The following KCNB2 variants were observed in gnomAD, a reference collection of about 807,000 sequenced individuals.
KCNB2 encodes delayed rectifier potassium channel protein.
KCNB2 carries 15 observed loss-of-function variants against 61.5 expected under a neutral mutation model. That is an observed-to-expected ratio of 0.24 (90% confidence interval 0.16 to 0.38). KCNB2 has a LOEUF of 0.38. Among genes scored for constraint, KCNB2 ranks in the 10% least tolerant of loss-of-function variants. The pLI is 1.00. For missense variants in KCNB2, 828 were observed against 1,125.2 expected (o/e 0.74, Z 3.78); for synonymous variants, 457 against 446.0 (o/e 1.02, Z -0.31).
intron 2 of KCNB2, among the ~76,000 whole-genome samples, chr8:72,642,143 A>G (rs1308444306): frequency 1.3e-5 from 2 of 152,120 alleles, no homozygotes; most frequent in Admixed American, 6.6e-5. Flanking sequence ...TCAGCACTCA[A>G]AATGTGGCCA....
At chr8:72,572,561 G>T (rs1489116829) in intron 2 of KCNB2, among the ~76,000 whole-genome samples, 4 of 147,832 alleles carry the variant, frequency 2.7e-5, no homozygotes, top group Admixed American at 1.4e-4. Flanking sequence ...TCTCTCTCAG[G>T]CTCTCTCTGC....
chr8:72,668,148 G>A lies in KCNB2; in HGVS notation c.579+99835G>A, dbSNP rs1435564022. 9.2e-5 allele frequency among the ~76,000 whole-genome samples: 14 copies of A among 152,316 alleles called. No homozygotes were observed. In the East Asian group the frequency reaches 1.7e-3, roughly 19 times the overall value. On this transcript the variant is annotated intron_variant, in intron 2 of 2. Coordinates refer to ENST00000523207, the MANE Select transcript of KCNB2 (RefSeq NM_004770.3). ...CCCTCTTCCAGCAATCATACACATA[G>A]CACTTAATTCTCCCAGCATCAGTGT...
intron 2 of KCNB2, among the ~76,000 whole-genome samples, chr8:72,864,032 G>C (rs1037752729): frequency 1.3e-5 from 2 of 152,076 alleles, no homozygotes; most frequent in East Asian, 3.8e-4. Context: ...GGGAATAGTC[G>C]CTTTTTGCAC....
chr8:72,785,613 T>C (rs73313537), intron 2 of KCNB2, among the ~76,000 whole-genome samples: 4,039 of 152,298 alleles, frequency 0.027, 61 homozygotes, highest in African/African-American at 0.037. Flanking sequence ...TCAGGGATTT[T>C]TTTTTGACAT....
At chr8:72,816,500 A>G (rs1809399003) in intron 2 of KCNB2, among the ~76,000 whole-genome samples, 2 of 152,238 alleles carry the variant, frequency 1.3e-5, no homozygotes, top group Admixed American at 6.5e-5. Context: ...AGTCCAAAAT[A>G]TGCACAAAAT....
At chr8:72,770,959 A>G (rs1395960860) in intron 2 of KCNB2, among the ~76,000 whole-genome samples, 1 of 152,046 alleles carries the variant, frequency 6.6e-6, no homozygotes, top group Non-Finnish European at 1.5e-5. Context: ...GCTCCAAATG[A>G]TATTTTAAAA....
At chr8:72,639,674 C>T (rs1266370827) in intron 2 of KCNB2, among the ~76,000 whole-genome samples, 1 of 152,086 alleles carries the variant, frequency 6.6e-6, no homozygotes, top group Non-Finnish European at 1.5e-5. Flanking sequence ...GTAGAGCAGT[C>T]ATTTGGAACC....
chr8:72,687,833 T>A (rs1806876149), intron 2 of KCNB2, among the ~76,000 whole-genome samples: 1 of 152,148 alleles, frequency 6.6e-6, no homozygotes, highest in African/African-American at 2.4e-5. Context: ...CCATATTCCA[T>A]GTTTTAGAGG....
At chr8:72,683,849 A>G (rs1045600960) in intron 2 of KCNB2, among the ~76,000 whole-genome samples, 1 of 152,144 alleles carries the variant, frequency 6.6e-6, no homozygotes, top group African/African-American at 2.4e-5. Context: ...GGAGGAGGAA[A>G]TTAACTCATT....
At chr8:72,615,017 C>T (rs1805596247) in intron 2 of KCNB2, among the ~76,000 whole-genome samples, 3 of 152,152 alleles carry the variant, frequency 2.0e-5, no homozygotes, top group Admixed American at 2.0e-4. Flanking sequence ...CAGTTCACAC[C>T]ATGAGGAGAG....
At chr8:72,720,812 C>A (rs192847358) in intron 2 of KCNB2, among the ~76,000 whole-genome samples, 1 of 152,218 alleles carries the variant, frequency 6.6e-6, no homozygotes, top group African/African-American at 2.4e-5. Context: ...ATCTCAATAA[C>A]ATATGATCCA....
intron 1 of KCNB2, among the ~76,000 whole-genome samples, chr8:72,545,315 G>A (rs1227928896): frequency 1.3e-5 from 2 of 152,058 alleles, no homozygotes; most frequent in Non-Finnish European, 2.9e-5. Context: ...CAGATGCTGC[G>A]ATTTTCACAA....
chr8:72,651,863 T>C (rs904991028), intron 2 of KCNB2, among the ~76,000 whole-genome samples: 2 of 152,102 alleles, frequency 1.3e-5, no homozygotes, highest in Non-Finnish European at 2.9e-5. Flanking sequence ...TATTTGAATG[T>C]TTAATAGACA....
chr8:72,848,698 G>A (rs901932947), intron 2 of KCNB2, among the ~76,000 whole-genome samples: 16 of 151,880 alleles, frequency 1.1e-4, no homozygotes, highest in Non-Finnish European at 2.1e-4. Flanking sequence ...ACATATAATA[G>A]GTCTAAATAA....
chr8:72,870,038 A>C (rs1190812665), intron 2 of KCNB2, among the ~76,000 whole-genome samples: 1 of 152,202 alleles, frequency 6.6e-6, no homozygotes, highest in Non-Finnish European at 1.5e-5. Flanking sequence ...CATATGCAAC[A>C]ACCATATGGA....
At chr8:72,683,721 A>C (rs540024710) in intron 2 of KCNB2, among the ~76,000 whole-genome samples, 3 of 152,238 alleles carry the variant, frequency 2.0e-5, no homozygotes, top group Non-Finnish European at 4.4e-5. Context: ...TACAGGCAAA[A>C]AGAGCAGGTG....
chr8:72,628,374 T>C (rs1805824888), intron 2 of KCNB2, among the ~76,000 whole-genome samples: 1 of 151,534 alleles, frequency 6.6e-6, no homozygotes, highest in Non-Finnish European at 1.5e-5. Flanking sequence ...TATTGTCACT[T>C]ATTATGCAGA....
chr8:72,747,448 G>A (rs1313197786), intron 2 of KCNB2, among the ~76,000 whole-genome samples: 1 of 152,106 alleles, frequency 6.6e-6, no homozygotes, highest in African/African-American at 2.4e-5. Flanking sequence ...TCCAAGACAA[G>A]TTGTGTACTG....
intron 1 of KCNB2, among the ~76,000 whole-genome samples, chr8:72,544,732 T>G (rs923674791): frequency 1.3e-5 from 2 of 152,200 alleles, no homozygotes; most frequent in Non-Finnish European, 2.9e-5. Context: ...ATTTCAGTGG[T>G]TAATAGAGTG....
Sources: gnomAD v4.1 joint callset for allele counts (sites outside exome capture counted in the v4.1 genomes callset) on GRCh38, gnomAD v4.1.1 for gene constraint, MANE v1.5 for transcripts, NCBI Gene and HGNC (gene_info 2026-07-23, HGNC 2026-07-21) for gene names.